The following FAM78B variants were observed in gnomAD, a reference collection of about 807,000 sequenced individuals.
The protein encoded by FAM78B is protein FAM78B.
Under a neutral mutation model 20.0 loss-of-function variants are expected in FAM78B, and 10 were observed. The ratio of observed to expected loss-of-function variants is 0.50; its 90% CI spans 0.31 to 0.85. The LOEUF is 0.85. Among genes scored for constraint, FAM78B ranks in the 40% least tolerant of loss-of-function variants. The probability of loss-of-function intolerance (pLI) is 0.05; values close to 1 mark genes in which losing one functional copy is unlikely to be tolerated. For missense variants in FAM78B, 283 were observed against 345.0 expected (o/e 0.82, Z 1.42); for synonymous variants, 135 against 132.8 (o/e 1.02, Z -0.12).
chr1:166,127,778 A>T (rs1261367132), intron 1 of FAM78B, among the ~76,000 whole-genome samples: 1 of 152,190 alleles, frequency 6.6e-6, no homozygotes, highest in Non-Finnish European at 1.5e-5. Flanking sequence ...ATGCAGTGAA[A>T]CAAACACACC....
intron 1 of FAM78B, among the ~76,000 whole-genome samples, chr1:166,116,062 T>C (rs963436372): frequency 1.3e-5 from 2 of 152,192 alleles, no homozygotes; most frequent in African/African-American, 4.8e-5. Flanking sequence ...CTAGCACCTC[T>C]CCTTGCACCC....
At chr1:166,149,616 C>G (rs542153731) in intron 1 of FAM78B, among the ~76,000 whole-genome samples, 1 of 152,184 alleles carries the variant, frequency 6.6e-6, no homozygotes, top group Non-Finnish European at 1.5e-5. Context: ...AACAATAATA[C>G]CATCTCTAAA....
At chr1:166,088,675 A>C (rs754104102) in intron 1 of FAM78B, among the ~76,000 whole-genome samples, 1 of 151,940 alleles carries the variant, frequency 6.6e-6, no homozygotes. Context: ...CCACCCTTCA[A>C]TCCTCTGTGA....
intron 1 of FAM78B, among the ~76,000 whole-genome samples, chr1:166,116,860 G>A (rs1037494784): frequency 6.6e-6 from 1 of 152,146 alleles, no homozygotes; most frequent in Non-Finnish European, 1.5e-5. Context: ...GGAGAATTAA[G>A]AACAGGTGAA....
chr1:166,151,350 A>G (rs1655668336), intron 1 of FAM78B, among the ~76,000 whole-genome samples: 1 of 152,186 alleles, frequency 6.6e-6, no homozygotes, highest in Non-Finnish European at 1.5e-5. Flanking sequence ...TTTTCCTTTT[A>G]GTGGAAAGTC....
intron 1 of FAM78B, among the ~76,000 whole-genome samples, chr1:166,083,415 C>A (rs1652659555): frequency 2.0e-5 from 3 of 152,212 alleles, no homozygotes; most frequent in Admixed American, 2.0e-4. Flanking sequence ...GATGTTACCA[C>A]CTGCTACCAC....
At chr1:166,079,337 ACT>A (rs1026650494) in intron 1 of FAM78B, among the ~76,000 whole-genome samples, 3 of 151,662 alleles carry the variant, frequency 2.0e-5, no homozygotes, top group Non-Finnish European at 2.9e-5. Context: ...CTTCGAGAAC[ACT>A]CTCTGGGTAC....
chr1:166,070,237 G>A lies in FAM78B; in HGVS notation c.*4C>T, dbSNP rs780045799. The A allele has an allele frequency of 2.0e-6, 3 of 1,520,408 alleles. No individual in the cohort carries two copies. The highest frequency in any genetic ancestry group is 4.3e-5 in the Admixed American group (2 of 46,108). The allele number at this position is 1,520,408 out of a possible 1,614,324, so 94.2% of individuals were successfully genotyped here. A position where few individuals can be genotyped will look rare whatever the true frequency, so the allele number is the denominator to read the frequency against. On this transcript the variant is annotated 3_prime_UTR_variant, in exon 2 of 2. Transcript: ENST00000354422. The stretch of plus-strand genomic sequence containing the variant: ...GATCCACACACAGTCAGGCCAGTCT[G>A]CTTCTACTTAGGAGGGATCACAACC...
chr1:166,096,053 G>A (rs962299202), intron 1 of FAM78B, among the ~76,000 whole-genome samples: 11 of 152,174 alleles, frequency 7.2e-5, no homozygotes, highest in Non-Finnish European at 1.6e-4. Flanking sequence ...ATGGGTTAGA[G>A]TAAATAAAAA....
chr1:166,121,409 A>T (rs901664570), intron 1 of FAM78B, among the ~76,000 whole-genome samples: 19 of 152,312 alleles, frequency 1.2e-4, no homozygotes, highest in Middle Eastern at 3.4e-3. Flanking sequence ...AAGTGTCCAC[A>T]CAGGTTCTGG....
intron 1 of FAM78B, chr1:166,147,906 G>A (rs1655523472): frequency 6.6e-6 from 1 of 152,166 alleles, no homozygotes; most frequent in African/African-American, 2.4e-5. Flanking sequence ...AGAGTGCTGG[G>A]ATTACAGGCA....
chr1:166,112,096 C>T (rs74336938), intron 1 of FAM78B, among the ~76,000 whole-genome samples: 2,191 of 152,326 alleles, frequency 0.014, 57 homozygotes, highest in African/African-American at 0.05. Context: ...CATCACTGCC[C>T]CTGCCTAAAT....
At chr1:166,103,995 C>T (rs1454575487) in intron 1 of FAM78B, among the ~76,000 whole-genome samples, 1 of 152,174 alleles carries the variant, frequency 6.6e-6, no homozygotes, top group African/African-American at 2.4e-5. Flanking sequence ...CATCCAAAAG[C>T]TTATCCACCA....
chr1:166,128,521 C>T (rs1002160), intron 1 of FAM78B, among the ~76,000 whole-genome samples: 24,761 of 152,212 alleles, frequency 0.16, 2,200 homozygotes, highest in South Asian at 0.27. Flanking sequence ...CAACTGAATG[C>T]GCTAATGTTG....
chr1:166,082,928 TAGG>T (rs1333519696), intron 1 of FAM78B, among the ~76,000 whole-genome samples: 1 of 152,014 alleles, frequency 6.6e-6, no homozygotes, highest in Non-Finnish European at 1.5e-5. Context: ...TTGCATTAAA[TAGG>T]AGCCCAGCTA....
chr1:166,144,964 G>A (rs1655405551), intron 1 of FAM78B, among the ~76,000 whole-genome samples: 1 of 152,150 alleles, frequency 6.6e-6, no homozygotes, highest in African/African-American at 2.4e-5. Context: ...CAGAGATGGG[G>A]TGAGGGTTGG....
intron 1 of FAM78B, among the ~76,000 whole-genome samples, chr1:166,136,068 T>A (rs1655051911): frequency 6.6e-6 from 1 of 152,144 alleles, no homozygotes; most frequent in African/African-American, 2.4e-5. Flanking sequence ...ACAGTTCTTT[T>A]AAAGGGGACT....
chr1:166,082,828 G>T (rs912472269), intron 1 of FAM78B: 3 of 152,328 alleles, frequency 2.0e-5, no homozygotes, highest in African/African-American at 7.2e-5. Flanking sequence ...CGTGACAGCC[G>T]AAGGGATGGG....
At chr1:166,131,505 C>T (rs538220153) in intron 1 of FAM78B, among the ~76,000 whole-genome samples, 36 of 152,276 alleles carry the variant, frequency 2.4e-4, no homozygotes, top group Middle Eastern at 3.4e-3. Flanking sequence ...AACCCTCCAA[C>T]AGACAGTGAC....
Sources: allele counts gnomAD v4.1 joint callset (sites outside exome capture counted in the v4.1 genomes callset), GRCh38; gene constraint gnomAD v4.1.1; transcripts MANE v1.5; gene names NCBI Gene and HGNC (gene_info 2026-07-23, HGNC 2026-07-21).